The following CNTN4 variants were observed in gnomAD, a reference collection of about 807,000 sequenced individuals.
The protein encoded by CNTN4 is contactin-4.
Under a neutral mutation model 122.5 loss-of-function variants are expected in CNTN4, and 77 were observed. The observed-to-expected ratio is 0.63, with a 90% CI of 0.52 to 0.76. CNTN4 has a LOEUF of 0.76. CNTN4 is among the 30% of genes least tolerant of loss of function. The probability of loss-of-function intolerance (pLI) is 0.00; values close to 1 mark genes in which losing one functional copy is unlikely to be tolerated. For synonymous variants in CNTN4, 512 were observed against 447.0 expected, an observed-to-expected ratio of 1.15 and a Z score of -1.83; for missense variants, 1,256 against 1,259.1, an observed-to-expected ratio of 1.00 and a Z score of 0.04.
At chr3:2,162,766 C>T (rs1488390279) in intron 2 of CNTN4, among the ~76,000 whole-genome samples, 1 of 152,088 alleles carries the variant, frequency 6.6e-6, no homozygotes, top group Non-Finnish European at 1.5e-5. Context: ...TCCTGTACTA[C>T]TCAGGAGGAT....
rs139825958 is a variant in CNTN4 at position 2,331,873 on chromosome 3, G to A, written c.-144-7305G>A. Among the ~76,000 whole-genome samples, 7 of 152,232 alleles carry A rather than the reference G, an allele frequency of 4.6e-5. No individual in the cohort carries two copies. In the East Asian group the frequency reaches 1.2e-3, roughly 25 times the overall value. ...CTTTGCAAATGATTGTAGTTTTCCT[G>A]CCCAGTCCCCTGCCGCTGGGCTGCG... On this transcript the variant is annotated intron_variant, in intron 2 of 24. Coordinates refer to ENST00000418658, the MANE Select transcript of CNTN4 (RefSeq NM_175607.3).
chr3:2,969,824 G>A (rs1692714729), intron 13 of CNTN4, among the ~76,000 whole-genome samples: 1 of 152,036 alleles, frequency 6.6e-6, no homozygotes, highest in Admixed American at 6.6e-5. Context: ...TAATAAACTG[G>A]GGCTTATCTG....
intron 2 of CNTN4, among the ~76,000 whole-genome samples, chr3:2,289,061 G>A (rs1054845952): frequency 6.6e-6 from 1 of 152,156 alleles, no homozygotes; most frequent in Non-Finnish European, 1.5e-5. Context: ...ATATTCTTGA[G>A]AAGTGCTTGC....
At position 2,426,250 on chromosome 3, in the gene CNTN4, C is replaced by G. The variant is rs990357171; in HGVS notation, c.-89+87017C>G. Among the ~76,000 whole-genome samples the G allele has an allele frequency of 1.9e-4, 29 of 152,088 alleles. 1 individual carries two copies. Among genetic ancestry groups the G allele is most frequent in the African/African-American group, 6.8e-4 (28 of 41,406 alleles). ...ATTTTGAGATACGTCCCATCAATAC[C>G]TAATTTGTTGAGAGTTTTTAGCATG... is the stretch of plus-strand genomic sequence containing the variant. On this transcript the variant is annotated intron_variant, in intron 3 of 24. Transcript: ENST00000418658.
chr3:2,590,860 TTC>T (rs1366495700), intron 4 of CNTN4, among the ~76,000 whole-genome samples: 1 of 152,068 alleles, frequency 6.6e-6, no homozygotes, highest in Non-Finnish European at 1.5e-5. Context: ...ATCATTTGTT[TTC>T]TCTTTTATTA....
At chr3:2,221,332 C>T (rs561557625) in intron 2 of CNTN4, among the ~76,000 whole-genome samples, 32 of 152,164 alleles carry the variant, frequency 2.1e-4, no homozygotes, top group African/African-American at 7.7e-4. Context: ...ATTAACATTT[C>T]TGTCTTTTAG....
intron 3 of CNTN4, among the ~76,000 whole-genome samples, chr3:2,561,986 G>T (rs1215195069): frequency 1.3e-5 from 2 of 152,068 alleles, no homozygotes; most frequent in Non-Finnish European, 2.9e-5. Flanking sequence ...GTATTTTCCT[G>T]TCTTGAACTA....
chr3:2,948,145 G>A (rs189270046), intron 13 of CNTN4, among the ~76,000 whole-genome samples: 2 of 152,236 alleles, frequency 1.3e-5, no homozygotes, highest in East Asian at 3.9e-4. Context: ...CTATATAAAG[G>A]CACTTTCATA....
At chr3:2,430,363 A>G (rs2048019515) in intron 3 of CNTN4, among the ~76,000 whole-genome samples, 1 of 149,976 alleles carries the variant, frequency 6.7e-6, no homozygotes, top group African/African-American at 2.5e-5. Context: ...CGGAGCTTGC[A>G]GTGAGCCAAG....
chr3:2,443,464 C>G (rs2048510483), intron 3 of CNTN4, among the ~76,000 whole-genome samples: 1 of 152,184 alleles, frequency 6.6e-6, no homozygotes, highest in Non-Finnish European at 1.5e-5. Context: ...CCTTTAACCA[C>G]CAGGGCGACT....
intron 2 of CNTN4, among the ~76,000 whole-genome samples, chr3:2,114,562 G>A (rs1280933878): frequency 6.6e-6 from 1 of 152,174 alleles, no homozygotes; most frequent in Non-Finnish European, 1.5e-5. Context: ...AGGTATGAGT[G>A]GACGCTAGGG....
chr3:2,395,901 G>A (rs539268759), intron 3 of CNTN4, among the ~76,000 whole-genome samples: 1 of 152,086 alleles, frequency 6.6e-6, no homozygotes, highest in African/African-American at 2.4e-5. Flanking sequence ...TGGCTTATAG[G>A]TAGCTCTTGT....
chr3:2,416,310 G>T (rs1363927307), intron 3 of CNTN4, among the ~76,000 whole-genome samples: 2 of 151,972 alleles, frequency 1.3e-5, no homozygotes, highest in African/African-American at 4.8e-5. Context: ...CTTTTTCCTA[G>T]TAATTTTGTG....
intron 2 of CNTN4, among the ~76,000 whole-genome samples, chr3:2,123,032 C>T (rs2033901361): frequency 6.6e-6 from 1 of 152,148 alleles, no homozygotes; most frequent in Admixed American, 6.5e-5. Context: ...AATTACACAG[C>T]AAGTAGAAGC....
intron 2 of CNTN4, among the ~76,000 whole-genome samples, chr3:2,324,614 A>G (rs1024298365): frequency 3.3e-5 from 5 of 152,004 alleles, no homozygotes; most frequent in South Asian, 2.1e-4. Flanking sequence ...GTTTCCCTCC[A>G]TCTATAGCCA....
intron 3 of CNTN4, among the ~76,000 whole-genome samples, chr3:2,541,386 G>A (rs997583482): frequency 6.6e-6 from 1 of 152,020 alleles, no homozygotes; most frequent in Non-Finnish European, 1.5e-5. Flanking sequence ...TCCTCTCAGT[G>A]TACTATTATG....
intron 13 of CNTN4, among the ~76,000 whole-genome samples, chr3:2,954,089 A>C (rs1474420680): frequency 1.3e-5 from 2 of 152,180 alleles, no homozygotes; most frequent in African/African-American, 4.8e-5. Flanking sequence ...TCCAAAATGG[A>C]GATTTATTTA....
chr3:2,776,201 T>C (rs1180244822), intron 6 of CNTN4, among the ~76,000 whole-genome samples: 2 of 151,762 alleles, frequency 1.3e-5, no homozygotes, highest in East Asian at 3.9e-4. Context: ...CTGGGGAAGA[T>C]GAGCAGGATT....
At chr3:2,572,213 C>T (rs930100440) in intron 4 of CNTN4, among the ~76,000 whole-genome samples, 2 of 152,120 alleles carry the variant, frequency 1.3e-5, no homozygotes, top group African/African-American at 4.8e-5. Flanking sequence ...ATGGCGAAAG[C>T]TCATCTCTAC....
Sources: gnomAD v4.1 joint callset for allele counts (sites outside exome capture counted in the v4.1 genomes callset) on GRCh38, gnomAD v4.1.1 for gene constraint, MANE v1.5 for transcripts, NCBI Gene and HGNC (gene_info 2026-07-23, HGNC 2026-07-21) for gene names.